Variants in DHX8 observed in about 807,000 individuals in gnomAD.
DHX8 encodes the protein ATP-dependent RNA helicase DHX8.
Under a neutral mutation model 140.7 loss-of-function variants are expected in DHX8, and 67 were observed. That is an observed-to-expected ratio of 0.48 (90% CI 0.39 to 0.58). DHX8 has a LOEUF of 0.58. DHX8 is among the 20% of genes least tolerant of loss of function. The pLI is 0.00. For missense variants in DHX8, 887 were observed against 1,550.7 expected (o/e 0.57, Z 7.19); for synonymous variants, 533 against 553.2 (o/e 0.96, Z 0.51).
intron 3 of DHX8, among the ~76,000 whole-genome samples, chr17:43,542,895 C>T (rs1467331298): frequency 6.6e-6 from 1 of 152,152 alleles, no homozygotes; most frequent in Non-Finnish European, 1.5e-5. Context: ...ATGCGTCCCA[C>T]CACTGGCAAG....
intron 21 of DHX8, 86 bp from the exon 22 acceptor site, chr17:43,521,961 C>T: frequency 6.8e-7 from 1 of 1,460,642 alleles, no homozygotes; most frequent in African/African-American, 1.4e-5. Flanking sequence ...TCTGGGCACC[C>T]CAAGATGGAT....
chr17:43,527,492 A>G (rs73987520), downstream of DHX8, among the ~76,000 whole-genome samples: 4,010 of 152,334 alleles, frequency 0.026, 180 homozygotes, highest in African/African-American at 0.091. Flanking sequence ...AGGAAGTCCC[A>G]GGAGGGAGAC....
At chr17:43,494,139 A>C (rs1414609248) in intron 8 of DHX8, among the ~76,000 whole-genome samples, 1 of 152,208 alleles carries the variant, frequency 6.6e-6, no homozygotes, top group Non-Finnish European at 1.5e-5. Context: ...ACATGGCAGT[A>C]GACAAGAGAG....
chr17:43,515,227 C>T (rs781265826), intron 17 of DHX8, among the ~76,000 whole-genome samples: 12 of 152,176 alleles, frequency 7.9e-5, no homozygotes, highest in East Asian at 1.9e-4. Flanking sequence ...CTTGCTCTGT[C>T]GCCCAGTTTG....
intron 11 of DHX8, 78 bp from the exon 12 acceptor site, chr17:43,504,566 G>C: frequency 2.1e-6 from 3 of 1,425,044 alleles, no homozygotes; most frequent in Non-Finnish European, 2.9e-6. Flanking sequence ...TGCAGTGCCC[G>C]CATGCCATTT....
chr17:43,529,655 A>G (rs755073701), downstream of DHX8: 4 of 1,612,510 alleles, frequency 2.5e-6, no homozygotes, highest in Admixed American at 6.7e-5. Context: ...AAATGCACCG[A>G]CCCCTTCCTG....
chr17:43,495,191 G>T (rs1057361120), intron 8 of DHX8, among the ~76,000 whole-genome samples: 2 of 152,164 alleles, frequency 1.3e-5, no homozygotes, highest in East Asian at 1.9e-4. Context: ...CTATAAACGC[G>T]AATATATCAT....
chr17:43,523,970 A>T lies in DHX8; in HGVS notation c.*123A>T. 1 of 1,468,286 alleles carries T rather than the reference A, an allele frequency of 6.8e-7. No homozygotes were observed. Among genetic ancestry groups the T allele is most frequent in the Non-Finnish European group, 9.0e-7 (1 of 1,112,514 alleles). 91.0% of individuals were successfully genotyped at this position (1,468,286 alleles called of 1,614,324 possible). ...ACTGTCTTAACTGAGCATTTTCTCAACTCGACTCTCATTTCTTCCCTGCTG... is the reference window on the plus strand; with the variant it reads ...ACTGTCTTAACTGAGCATTTTCTCATCTCGACTCTCATTTCTTCCCTGCTG... On this transcript the variant is annotated 3_prime_UTR_variant, in exon 23 of 23. Coordinates refer to ENST00000262415, the MANE Select transcript of DHX8 (RefSeq NM_004941.3).
chr17:43,529,658 C>A, downstream of DHX8: 1 of 1,612,704 alleles, frequency 6.2e-7, no homozygotes, highest in Non-Finnish European at 8.5e-7. Flanking sequence ...TGCACCGACC[C>A]CTTCCTGCTT....
chr17:43,525,491 C>T lies in DHX8; in HGVS notation c.*1644C>T, dbSNP rs947653609. On this transcript the variant is annotated 3_prime_UTR_variant, in exon 23 of 23. Transcript: ENST00000262415. The stretch of plus-strand genomic sequence containing the variant: ...TGCCTCCTGATTCTGTCTGAGTATT[C>T]GCCTTTGTAAGCCCAGGCCAGTAAT... 8 of 985,284 alleles carry T rather than the reference C, an allele frequency of 8.1e-6. No homozygotes were observed. The highest frequency in any genetic ancestry group is 1.1e-4 in the East Asian group (1 of 8,816). 61.0% of individuals were successfully genotyped at this position (985,284 alleles called of 1,614,324 possible).
At chr17:43,530,517 G>A, downstream of DHX8, 1 of 1,058,952 alleles carries the variant, frequency 9.4e-7, no homozygotes, top group Non-Finnish European at 1.2e-6. Flanking sequence ...TGAACGTCCG[G>A]GGAAAGAGTT....
chr17:43,530,128 A>G (rs1970830614), downstream of DHX8: 1 of 1,574,810 alleles, frequency 6.3e-7, no homozygotes, highest in African/African-American at 1.4e-5. Flanking sequence ...TCACCTGGAG[A>G]GGGCCCAGAG....
chr17:43,527,530 C>T (rs1034676320), downstream of DHX8, among the ~76,000 whole-genome samples: 8 of 152,228 alleles, frequency 5.3e-5, no homozygotes, highest in Non-Finnish European at 8.8e-5. Flanking sequence ...CCACCTGACC[C>T]GCCCACAGGG....
chr17:43,492,696 G>C lies in DHX8; in HGVS notation c.519G>C (p.Lys173Asn). The C allele has an allele frequency of 1.3e-6, 2 of 1,571,346 alleles. No homozygotes were observed. Among genetic ancestry groups the C allele is most frequent in the Non-Finnish European group, 1.8e-6 (2 of 1,140,972 alleles). ...GATTTGTTAGGGACAGGACAAAGAA[G>C]AAGAAGCGGAGTCGAAGCCGAGATC... ...RDAEHRDRTK[K>N]KKRSRSRDRN... Residue 173 changes from lysine (K) to asparagine (N), a missense_variant, in exon 6 of 23, where the codon AAG becomes AAC. By Grantham distance (94) the Lys-to-Asn change is moderately conservative. Coordinates refer to ENST00000262415, the MANE Select transcript of DHX8 (RefSeq NM_004941.3).
exon 3 of DHX8, chr17:43,536,436 A>G (rs1198769127): frequency 6.2e-7 from 1 of 1,614,206 alleles, no homozygotes; most frequent in South Asian, 1.1e-5. Context: ...GGTTTTCTGA[A>G]TGGAAATCAG....
At chr17:43,529,982 T>G (rs372672077), downstream of DHX8, 1 of 1,613,828 alleles carries the variant, frequency 6.2e-7, no homozygotes, top group African/African-American at 1.3e-5. Flanking sequence ...GTTGCTCAGA[T>G]CTGGGGGTTC....
chr17:43,531,990 C>T (rs183422776), intron 2 of DHX8, among the ~76,000 whole-genome samples: 1 of 152,220 alleles, frequency 6.6e-6, no homozygotes, highest in East Asian at 1.9e-4. Flanking sequence ...TCACAAGCTA[C>T]CTGAGGGCAG....
rs1357551615 is a variant in DHX8, at chr17:43,535,342, A to G, written c.351-1070A>G. Reference sequence around the variant, plus strand: ...ACCCAGGCTGGAGTGCAGTGGCTCAATCTTGCCTCACTGCAACCTCCGCCT... The same window carrying G: ...ACCCAGGCTGGAGTGCAGTGGCTCAGTCTTGCCTCACTGCAACCTCCGCCT... On this transcript the variant is annotated intron_variant, in intron 2 of 3. Transcript: ENST00000589898. Among the ~76,000 whole-genome samples, 3 of 152,138 alleles carry G rather than the reference A, an allele frequency of 2.0e-5. No individual in the cohort carries two copies. In the East Asian group the frequency reaches 5.8e-4, roughly 29 times the overall value.
chr17:43,498,723 A>T, intron 9 of DHX8, 139 bp from the exon 10 acceptor site: 1 of 582,668 alleles, frequency 1.7e-6, no homozygotes, highest in Non-Finnish European at 2.9e-6. Flanking sequence ...TGCTGAGATT[A>T]CAGGCGTGAG....
Sources: allele counts gnomAD v4.1 joint callset (sites outside exome capture counted in the v4.1 genomes callset), GRCh38; gene constraint gnomAD v4.1.1; transcripts MANE v1.5; gene names NCBI Gene and HGNC (gene_info 2026-07-23, HGNC 2026-07-21).